Variants in TANC2 observed in about 807,000 individuals in gnomAD.
The protein encoded by TANC2 is tetratricopeptide repeat, ankyrin repeat and coiled-coil containing 2.
TANC2 carries 26 observed loss-of-function variants against 210.5 expected under a neutral mutation model. That is an observed-to-expected ratio of 0.12 (90% confidence interval 0.09 to 0.17). TANC2 has a LOEUF of 0.17. TANC2 is among the 10% of genes least tolerant of loss of function. The pLI, the probability that TANC2 is intolerant of heterozygous loss-of-function variation, is 1.00. For synonymous variants in TANC2, 931 were observed against 967.1 expected (o/e 0.96, Z 0.69); for missense variants, 2,129 against 2,608.9 (o/e 0.82, Z 4.01).
rs182285998 is a variant in TANC2, at chr17:63,326,875, A to G, written c.1575+7785A>G. Among the ~76,000 whole-genome samples, 3 of 152,334 alleles carry G rather than the reference A, an allele frequency of 2.0e-5. No homozygotes were observed. In the East Asian group the frequency reaches 5.8e-4, roughly 29 times the overall value. ...CAGGCAACAAAAGGAAAAATAGACA[A>G]ATGGAATGACATGTAAACTAAAAAC... On this transcript the variant is annotated intron_variant, in intron 11 of 27. Coordinates refer to ENST00000689528, the Ensembl canonical transcript of TANC2.
Position 63,420,637 on chromosome 17 carries a change from G to C in TANC2, c.4907G>C (p.Ser1636Thr). The change falls in exon 28 of 28, where the codon AGT becomes ACT. Residue 1636 changes from serine to threonine, a missense_variant. By Grantham distance (58) the Ser-to-Thr change is moderately conservative (BLOSUM62 1). This residue lies in a region of TANC2 where 584 missense variants were observed against 627.3 expected (regional missense o/e 0.93). Coordinates refer to ENST00000689528, the Ensembl canonical transcript of TANC2. This position sits in a 1 kb window ranked among gnomAD's most constrained non-coding sequence, Gnocchi z 4.2. ...GCCAGCCCTCCAGCTGAAAGTATGA[G>C]TGTCTATAGATCCCAGTCTGGTTCA... is the stretch of plus-strand genomic sequence containing the variant. 1.2e-6 allele frequency: 2 copies of C among 1,613,922 alleles called. No homozygotes were observed. Among genetic ancestry groups the C allele is most frequent in the Non-Finnish European group, 1.7e-6 (2 of 1,179,860 alleles).
rs185381213 is a variant in TANC2 at position 62,988,272 on chromosome 17, C to T, written c.-23-21265C>T. Reference sequence around the variant, plus strand: ...CCTGCCGAGTAGCTGGGATTACAGGCGTGCACCACCACACCTGGCTAACTT... The same window carrying T: ...CCTGCCGAGTAGCTGGGATTACAGGTGTGCACCACCACACCTGGCTAACTT... On this transcript the variant is annotated intron_variant, in intron 1 of 27. Transcript: ENST00000689528. 1.6e-3 allele frequency among the ~76,000 whole-genome samples: 236 copies of T among 147,824 alleles called. 2 individuals are homozygous for T. Among genetic ancestry groups the T allele is most frequent in the African/African-American group, 5.6e-3 (225 of 39,952 alleles).
intron 4 of TANC2, among the ~76,000 whole-genome samples, chr17:63,105,509 T>C (rs757619224): frequency 2.0e-5 from 3 of 151,774 alleles, no homozygotes; most frequent in African/African-American, 7.3e-5. Flanking sequence ...AATATACTTA[T>C]CCTGCAATTT....
At chr17:63,386,346 C>T (rs1424652902) in intron 15 of TANC2, among the ~76,000 whole-genome samples, 1 of 152,024 alleles carries the variant, frequency 6.6e-6, no homozygotes, top group Non-Finnish European at 1.5e-5. Flanking sequence ...TTATAGAATC[C>T]TTCTTAGTTT....
Position 63,421,985 on chromosome 17 carries a change from G to A in TANC2, c.*30G>A. On this transcript the variant is annotated 3_prime_UTR_variant, in exon 28 of 28. Coordinates refer to ENST00000689528, the Ensembl canonical transcript of TANC2. The surrounding 1 kb of genome is among the most constrained non-coding windows in gnomAD (Gnocchi z 6.9). ...CGTTTTGTTGGAGTGAGACCCATATGTTTTCACTGCACATTTTCAGGCTTG... is the reference window on the plus strand; with the variant it reads ...CGTTTTGTTGGAGTGAGACCCATATATTTTCACTGCACATTTTCAGGCTTG... The A allele has an allele frequency of 1.3e-6, 2 of 1,556,030 alleles. No homozygotes were observed. Among genetic ancestry groups the A allele is most frequent in the Non-Finnish European group, 1.7e-6 (2 of 1,152,596 alleles).
rs531614019 is a variant in TANC2 at position 63,241,816 on chromosome 17, C to G, written c.1033+3739C>G. ...TGACTTCATGAATTACATAGAGCAT[C>G]AGAAATGTGTAAAAATTCCGTGAGA... On this transcript the variant is annotated intron_variant, in intron 8 of 27. Coordinates refer to ENST00000689528, the Ensembl canonical transcript of TANC2. Among the ~76,000 whole-genome samples, 4 of 152,222 alleles carry G rather than the reference C, an allele frequency of 2.6e-5. No homozygotes were observed. In the East Asian group the frequency reaches 7.7e-4, roughly 29 times the overall value.
intron 18 of TANC2, 183 bp downstream of exon 18, chr17:63,396,111 A>C (rs1395629221): frequency 3.4e-6 from 2 of 595,662 alleles, no homozygotes; most frequent in African/African-American, 3.7e-5. Context: ...AAGTCCCTCA[A>C]ATTATAGGTA....
At position 63,389,446 on chromosome 17, in the gene TANC2, G is replaced by A. The variant is rs781483616; in HGVS notation, c.2953G>A (p.Val985Met). The A allele has an allele frequency of 1.9e-5, 31 of 1,613,846 alleles. No individual in the cohort carries two copies. The highest frequency in any genetic ancestry group is 3.3e-5 in the Admixed American group (2 of 59,996). Residue 985 changes from valine to methionine, a missense_variant, in exon 17 of 28, where the codon GTG becomes ATG. Val to Met is a conservative substitution (Grantham distance 21). This residue lies in a region of TANC2 where 644 missense variants were observed against 937.5 expected (regional missense o/e 0.69). Transcript: ENST00000689528. ...CCTGCTGCTGGAGTTCGGGGCCAACGTGGATGCCTCTTCTGAAAGTGGCCT... is the reference window on the plus strand; with the variant it reads ...CCTGCTGCTGGAGTTCGGGGCCAACATGGATGCCTCTTCTGAAAGTGGCCT...
At chr17:63,251,342 C>G (rs914976993) in intron 8 of TANC2, among the ~76,000 whole-genome samples, 3 of 152,064 alleles carry the variant, frequency 2.0e-5, no homozygotes, top group African/African-American at 7.2e-5. Context: ...TTTGACCAAG[C>G]CTTTTTATCA....
At chr17:63,409,354 A>AT (rs1363293178) in intron 21 of TANC2, among the ~76,000 whole-genome samples, 3 of 151,694 alleles carry the variant, frequency 2.0e-5, no homozygotes, top group Non-Finnish European at 4.4e-5. Context: ...CACCTGGCTA[A>AT]TTTTTTAGTT....
In TANC2 at chr17:63,420,765, C is replaced by T; in HGVS notation, c.5035C>T (p.Pro1679Ser). The change falls in exon 28 of 28, where the codon CCT (proline) becomes TCT (serine). Residue 1679 changes from proline to serine, a missense_variant. By Grantham distance (74) the Pro-to-Ser change is moderately conservative. Coordinates refer to ENST00000689528, the Ensembl canonical transcript of TANC2. This position sits in a 1 kb window ranked among gnomAD's most constrained non-coding sequence, Gnocchi z 4.2. The stretch of plus-strand genomic sequence containing the variant: ...GCGGCCCTACCAGATGCCTCAGCTC[C>T]CTGTGGCAGTTCCCCAGCAAGGGCT... 6.2e-7 allele frequency: 1 copy of T among 1,613,994 alleles called. No homozygotes were observed. The highest frequency in any genetic ancestry group is 1.1e-5 in the South Asian group (1 of 91,088).
exon 17 of TANC2, chr17:63,389,401 G>C (rs760301830): frequency 3.7e-6 from 6 of 1,613,978 alleles, no homozygotes; most frequent in South Asian, 1.1e-5. Context: ...GTCCCATCTT[G>C]GTTACACAGA....
intron 9 of TANC2, among the ~76,000 whole-genome samples, chr17:63,307,274 G>A (rs536281886): frequency 3.3e-5 from 5 of 152,202 alleles, no homozygotes; most frequent in South Asian, 2.1e-4. Context: ...GCCTCAGTCC[G>A]GGTAGCAATA....
chr17:62,994,374 T>G (rs1360424702), intron 1 of TANC2, among the ~76,000 whole-genome samples: 2 of 149,724 alleles, frequency 1.3e-5, no homozygotes, highest in Non-Finnish European at 3.0e-5. Context: ...GTATTTTTAG[T>G]AGAGATGGGG....
At chr17:63,107,044 G>A (rs142950875) in intron 4 of TANC2, among the ~76,000 whole-genome samples, 1 of 151,670 alleles carries the variant, frequency 6.6e-6, no homozygotes. Context: ...AAAATAACAA[G>A]TCATTGATAC....
rs566536405 is a variant in TANC2, at chr17:62,994,751, A to T, written c.-23-14786A>T. 3.9e-5 allele frequency among the ~76,000 whole-genome samples: 6 copies of T among 152,280 alleles called. No homozygotes were observed. The South Asian group carries it at 8.3e-4, about 21-fold the overall frequency. On this transcript the variant is annotated intron_variant, in intron 1 of 27. Coordinates refer to ENST00000689528, the Ensembl canonical transcript of TANC2. Reference sequence around the variant, plus strand: ...TAATCTAGGGTATGGTCATCTGAAGACTCATAGTCTGAGATTTCCCTTAGA... The same window carrying T: ...TAATCTAGGGTATGGTCATCTGAAGTCTCATAGTCTGAGATTTCCCTTAGA...
Position 63,420,213 on chromosome 17 carries a change from T to C in TANC2, c.4483T>C (p.Phe1495Leu). The change falls in exon 28 of 28, where the codon TTC (phenylalanine) becomes CTC (leucine). Residue 1495 changes from phenylalanine to leucine, a missense_variant. Coordinates refer to ENST00000689528, the Ensembl canonical transcript of TANC2. The surrounding 1 kb of genome is among the most constrained non-coding windows in gnomAD (Gnocchi z 4.2). ...AGACATATACTCTGTACAGGATATA[T>C]TCGAGGAGGAGTACCTGGAACAGGA... 1 of 1,608,590 alleles carries C rather than the reference T, an allele frequency of 6.2e-7. No individual in the cohort carries two copies. The highest frequency in any genetic ancestry group is 1.7e-5 in the Admixed American group (1 of 59,054).
exon 12 of TANC2, chr17:63,340,169 T>C: frequency 6.2e-7 from 1 of 1,613,978 alleles, no homozygotes; most frequent in Non-Finnish European, 8.5e-7. Context: ...TTGTCCACAA[T>C]GTTGCTGCCT....
At chr17:63,173,190 A>C (rs1349634370) in intron 5 of TANC2, among the ~76,000 whole-genome samples, 2 of 152,210 alleles carry the variant, frequency 1.3e-5, no homozygotes, top group Non-Finnish European at 2.9e-5. Flanking sequence ...TATCCTCAAA[A>C]ATCAAGGAAA....
Sources: gnomAD v4.1 joint callset for allele counts (sites outside exome capture counted in the v4.1 genomes callset) on GRCh38, gnomAD v4.1.1 for gene constraint, gnomAD v4.1.1 regional missense constraint, Gnocchi (gnomAD v3.1) non-coding constraint, MANE v1.5 for transcripts, NCBI Gene and HGNC (gene_info 2026-07-23, HGNC 2026-07-21) for gene names.